FSTL5: variants seen among roughly 807,000 people sequenced by gnomAD.
The protein encoded by FSTL5 is follistatin like 5.
FSTL5 carries 62 observed loss-of-function variants against 89.1 expected under a neutral mutation model. That is an observed-to-expected ratio of 0.70 (90% CI 0.57 to 0.86). FSTL5 has a LOEUF of 0.86. Among genes scored for constraint, FSTL5 ranks in the 40% least tolerant of loss-of-function variants. The pLI, the probability that FSTL5 is intolerant of heterozygous loss-of-function variation, is 0.00. For missense variants in FSTL5, 1,057 were observed against 1,001.6 expected (o/e 1.06, Z -0.75); for synonymous variants, 383 against 346.2 (o/e 1.11, Z -1.18).
At position 161,417,086 on chromosome 4, in the gene FSTL5, T is replaced by C. The variant is rs180922813; in HGVS notation, c.1842-30637A>G. Reference sequence around the variant, plus strand: ...TTTGTCTATGGTAAAACTGGGTTTATGTCATTAGTTTATATGTTATTTAGT... The same window carrying C: ...TTTGTCTATGGTAAAACTGGGTTTACGTCATTAGTTTATATGTTATTTAGT... On this transcript the variant is annotated intron_variant, in intron 15 of 15. Transcript: ENST00000306100. 7.9e-5 allele frequency among the ~76,000 whole-genome samples: 12 copies of C among 152,338 alleles called. No individual in the cohort carries two copies. The South Asian group carries it at 8.3e-4, about 11-fold the overall frequency.
At chr4:161,462,722 T>TACC (rs1733623600) in intron 13 of FSTL5, among the ~76,000 whole-genome samples, 2 of 152,126 alleles carry the variant, frequency 1.3e-5, no homozygotes, top group South Asian at 4.1e-4. Flanking sequence ...CTACTACTAC[T>TACC]ACTACCATTA....
chr4:161,746,973 C>A (rs147520169), intron 6 of FSTL5, among the ~76,000 whole-genome samples: 2 of 152,106 alleles, frequency 1.3e-5, no homozygotes, highest in Non-Finnish European at 2.9e-5. Flanking sequence ...TCTTATTCAG[C>A]GGCGTATGTA....
In FSTL5 at chr4:161,866,963, AAGAC is replaced by A. The variant is rs554923020; in HGVS notation, c.409+53437_409+53440del. The stretch of plus-strand genomic sequence containing the variant: ...GTTTTTCCACAAGAGAAAAGCAGGA[AAGAC>A]AGCATCAAATGTAATTTGTAATTGG... On this transcript the variant is annotated intron_variant, in intron 4 of 15. Transcript: ENST00000306100. 7.2e-5 allele frequency among the ~76,000 whole-genome samples: 11 copies of A among 152,136 alleles called. No homozygotes were observed. The South Asian group carries it at 1.7e-3, about 23-fold the overall frequency.
intron 10 of FSTL5, among the ~76,000 whole-genome samples, chr4:161,527,738 G>A (rs1041441982): frequency 1.1e-4 from 16 of 151,440 alleles, no homozygotes; most frequent in East Asian, 3.9e-4. Context: ...TCAGTGTGGC[G>A]ATTCCTCAGG....
At chr4:161,716,069 CCT>C (rs1738969441) in intron 6 of FSTL5, among the ~76,000 whole-genome samples, 1 of 152,152 alleles carries the variant, frequency 6.6e-6, no homozygotes, top group Admixed American at 6.5e-5. Context: ...GCCTTGGCCA[CCT>C]CTCTGACAAA....
intron 3 of FSTL5, among the ~76,000 whole-genome samples, chr4:161,999,481 G>T (rs1251609289): frequency 2.0e-5 from 3 of 151,974 alleles, no homozygotes; most frequent in Non-Finnish European, 2.9e-5. Flanking sequence ...CATATTAATT[G>T]ATCTTGAAAT....
intron 4 of FSTL5, among the ~76,000 whole-genome samples, chr4:161,783,367 CTAAT>C (rs773459163): frequency 6.6e-6 from 1 of 151,886 alleles, no homozygotes; most frequent in Non-Finnish European, 1.5e-5. Flanking sequence ...AGTGATTTCC[CTAAT>C]TAATTATTTT....
chr4:162,043,100 AAAAAC>A (rs1490316375), intron 2 of FSTL5: 1 of 152,194 alleles, frequency 6.6e-6, no homozygotes, highest in East Asian at 1.9e-4. Context: ...GTATAATAAA[AAAAAC>A]AAAACAAACA....
chr4:161,457,700 T>C (rs1238662006), intron 14 of FSTL5, among the ~76,000 whole-genome samples: 2 of 152,062 alleles, frequency 1.3e-5, no homozygotes, highest in African/African-American at 2.4e-5. Flanking sequence ...TTAAAGTTAA[T>C]AGAGTATTAA....
intron 3 of FSTL5, among the ~76,000 whole-genome samples, chr4:161,981,467 T>A (rs1735825006): frequency 6.6e-6 from 1 of 152,208 alleles, no homozygotes; most frequent in South Asian, 2.1e-4. Flanking sequence ...TTTTCACCAT[T>A]TCATGACCTT....
intron 12 of FSTL5, among the ~76,000 whole-genome samples, chr4:161,487,706 T>A (rs1365639014): frequency 6.6e-6 from 1 of 152,020 alleles, no homozygotes; most frequent in Non-Finnish European, 1.5e-5. Flanking sequence ...TATTTCTTTC[T>A]TTTAAGTATG....
intron 4 of FSTL5, among the ~76,000 whole-genome samples, chr4:161,902,291 C>T (rs967735064): frequency 3.9e-5 from 6 of 152,096 alleles, no homozygotes; most frequent in African/African-American, 1.4e-4. Context: ...AATAGAGAAT[C>T]CCACTGACAT....
intron 4 of FSTL5, among the ~76,000 whole-genome samples, chr4:161,908,253 A>G (rs1185478506): frequency 6.6e-6 from 1 of 152,024 alleles, no homozygotes; most frequent in Non-Finnish European, 1.5e-5. Context: ...TTAAGAATAG[A>G]TCTGTCACCT....
intron 15 of FSTL5, among the ~76,000 whole-genome samples, chr4:161,407,750 C>T (rs1194559612): frequency 2.0e-5 from 3 of 152,186 alleles, no homozygotes; most frequent in Non-Finnish European, 4.4e-5. Context: ...TCCCACAGGC[C>T]CACCTACCCT....
intron 6 of FSTL5, among the ~76,000 whole-genome samples, chr4:161,705,492 C>T (rs560693066): frequency 1.5e-4 from 23 of 151,936 alleles, no homozygotes; most frequent in Non-Finnish European, 2.9e-4. Flanking sequence ...TTAAAGTGGC[C>T]TCAGTTCAAA....
chr4:162,057,623 A>G (rs1430914816), intron 2 of FSTL5, among the ~76,000 whole-genome samples: 2 of 152,252 alleles, frequency 1.3e-5, no homozygotes, highest in South Asian at 2.1e-4. Context: ...TAATTTTACT[A>G]TATATTCAAT....
At chr4:161,991,577 T>C (rs1736113132) in intron 3 of FSTL5, among the ~76,000 whole-genome samples, 1 of 152,212 alleles carries the variant, frequency 6.6e-6, no homozygotes, top group South Asian at 2.1e-4. Flanking sequence ...TATTGACTTA[T>C]ACAGGGATTC....
At chr4:161,571,329 C>T (rs1733000439) in intron 8 of FSTL5, among the ~76,000 whole-genome samples, 2 of 151,960 alleles carry the variant, frequency 1.3e-5, no homozygotes, top group South Asian at 4.1e-4. Context: ...ATATCTCTCA[C>T]TGTGACAAAC....
intron 15 of FSTL5, among the ~76,000 whole-genome samples, chr4:161,417,712 G>T (rs1197826290): frequency 6.6e-6 from 1 of 152,112 alleles, no homozygotes; most frequent in African/African-American, 2.4e-5. Flanking sequence ...TACTCATGGG[G>T]GTCTTGTGCA....
Sources: allele counts gnomAD v4.1 joint callset (sites outside exome capture counted in the v4.1 genomes callset), GRCh38; gene constraint gnomAD v4.1.1; transcripts MANE v1.5; gene names NCBI Gene and HGNC (gene_info 2026-07-23, HGNC 2026-07-21).